The following FAM185A variants were observed in gnomAD, a reference collection of about 807,000 sequenced individuals.
FAM185A encodes the protein family with sequence similarity 185 member A.
In FAM185A, 21 loss-of-function variants were observed where a neutral mutation model predicts 45.7. The ratio of observed to expected loss-of-function variants is 0.46; its 90% CI spans 0.33 to 0.66. The LOEUF is 0.66. FAM185A is among the 30% of genes least tolerant of loss of function. The probability of loss-of-function intolerance (pLI) is 0.03; values close to 1 mark genes in which losing one functional copy is unlikely to be tolerated. For synonymous variants in FAM185A, 117 were observed against 194.0 expected (o/e 0.60, Z 3.30); for missense variants, 305 against 485.4 (o/e 0.63, Z 3.49).
At chr7:102,801,811 G>C (rs1215371061) in intron 7 of FAM185A, among the ~76,000 whole-genome samples, 1 of 151,884 alleles carries the variant, frequency 6.6e-6, no homozygotes, top group African/African-American at 2.4e-5. Context: ...TGTAATCCCA[G>C]CTACTCGGGA....
chr7:102,766,702 C>T (rs1022758188), intron 4 of FAM185A, among the ~76,000 whole-genome samples: 2 of 151,850 alleles, frequency 1.3e-5, no homozygotes, highest in African/African-American at 4.8e-5. Context: ...TTATTCCTAG[C>T]CTAGGTCATT....
chr7:102,819,084 G>A, the FAM185A span, among the ~76,000 whole-genome samples: 1 of 151,838 alleles, frequency 6.6e-6, no homozygotes, highest in Non-Finnish European at 1.5e-5. Context: ...TAGCCTTTTC[G>A]CTAACTATAC....
At chr7:102,795,610 C>T (rs375792264) in intron 7 of FAM185A, among the ~76,000 whole-genome samples, 120 of 150,482 alleles carry the variant, frequency 8.0e-4, no homozygotes, top group African/African-American at 2.7e-3. Flanking sequence ...AGATGAGAGT[C>T]GATAAAGATC....
At chr7:102,813,208 T>C, downstream of FAM185A, 1 of 784,544 alleles carries the variant, frequency 1.3e-6, no homozygotes, top group Admixed American at 3.0e-5. Context: ...TATTTGTAGT[T>C]GGAATAAGAA....
At chr7:102,796,938 T>C (rs1476871533) in intron 7 of FAM185A, among the ~76,000 whole-genome samples, 2 of 152,204 alleles carry the variant, frequency 1.3e-5, no homozygotes, top group African/African-American at 2.4e-5. Context: ...AAGAAAAGAT[T>C]TGAGGAAGAA....
At chr7:102,827,034 G>A in the FAM185A span, 1 of 400,974 alleles carries the variant, frequency 2.5e-6, no homozygotes, top group Non-Finnish European at 5.4e-6. Flanking sequence ...GCAAGAAGTA[G>A]AGTCTGTTTC....
chr7:102,826,724 C>CTCATATATAT, the FAM185A span, among the ~76,000 whole-genome samples: 9 of 62,712 alleles, frequency 1.4e-4, 1 homozygote, highest in African/African-American at 4.1e-4. Context: ...GACCCTGTCT[C>CTCATATATAT]ATATATATAT....
chr7:102,781,243 C>A (rs1795387743), intron 6 of FAM185A, among the ~76,000 whole-genome samples: 1 of 152,218 alleles, frequency 6.6e-6, no homozygotes, highest in East Asian at 1.9e-4. Context: ...GGGGGCAGGG[C>A]ACAGCCAAAC....
chr7:102,801,204 A>G (rs1387825854), intron 7 of FAM185A, among the ~76,000 whole-genome samples: 1 of 152,202 alleles, frequency 6.6e-6, no homozygotes, highest in Non-Finnish European at 1.5e-5. Flanking sequence ...CCAAGCCACC[A>G]CTACAAGAAC....
chr7:102,825,199 C>T, the FAM185A span, among the ~76,000 whole-genome samples: 1 of 152,036 alleles, frequency 6.6e-6, no homozygotes, highest in Admixed American at 6.6e-5. Flanking sequence ...AATGTTTGTT[C>T]CCTCCAAAAC....
the FAM185A span, among the ~76,000 whole-genome samples, chr7:102,826,247 G>C: frequency 4.6e-5 from 7 of 152,158 alleles, no homozygotes; most frequent in Admixed American, 3.9e-4. Context: ...TGGACAGCAA[G>C]AAAGGGGCTG....
chr7:102,761,022 C>T (rs1394577184), intron 3 of FAM185A, among the ~76,000 whole-genome samples: 1 of 151,984 alleles, frequency 6.6e-6, no homozygotes, highest in African/African-American at 2.4e-5. Context: ...TTATATAGGA[C>T]ATATAAAACA....
At position 102,749,074 on chromosome 7, in the gene FAM185A, C is replaced by T. The variant is rs750372938; in HGVS notation, c.-134C>T. The T allele has an allele frequency of 2.7e-4, 358 of 1,345,046 alleles. 1 individual carries two copies. The highest frequency in any genetic ancestry group is 1.6e-4 in the Non-Finnish European group (155 of 963,350). The allele number at this position is 1,345,046 out of a possible 1,614,324, so 83.3% of individuals were successfully genotyped here. A position where few individuals can be genotyped will look rare whatever the true frequency, so the allele number is the denominator to read the frequency against. ...GAACGCCTAGTCAAGCCAACCGGCT[C>T]GCTCTTGTTTCAGCAAACCCTGACT... On this transcript the variant is annotated 5_prime_UTR_variant, in exon 1 of 8. Transcript: ENST00000413034.
chr7:102,798,434 G>T (rs945046040), intron 7 of FAM185A, among the ~76,000 whole-genome samples: 15 of 152,170 alleles, frequency 9.9e-5, no homozygotes, highest in Admixed American at 3.3e-4. Flanking sequence ...CCTCCCTTTT[G>T]AGTATTGTCT....
chr7:102,801,763 A>T (rs1796804863), intron 7 of FAM185A, among the ~76,000 whole-genome samples: 1 of 152,074 alleles, frequency 6.6e-6, no homozygotes, highest in Non-Finnish European at 1.5e-5. Flanking sequence ...TGTCTCTACT[A>T]AAAATATAAA....
At chr7:102,812,396 G>T (rs1797481210), downstream of FAM185A, among the ~76,000 whole-genome samples, 2 of 152,170 alleles carry the variant, frequency 1.3e-5, no homozygotes, top group Admixed American at 6.5e-5. Flanking sequence ...TGATTAAAGA[G>T]ATGTCTTTCT....
At chr7:102,835,674 A>T in the FAM185A span, among the ~76,000 whole-genome samples, 1 of 113,678 alleles carries the variant, frequency 8.8e-6, no homozygotes. Context: ...CAGTGGCGCA[A>T]TCTCGGCTCA....
the FAM185A span, chr7:102,822,305 G>A: frequency 7.2e-6 from 8 of 1,105,272 alleles, no homozygotes; most frequent in African/African-American, 1.2e-4. Flanking sequence ...ACCACAGACT[G>A]TGGCTTAAAC....
the FAM185A span, among the ~76,000 whole-genome samples, chr7:102,847,778 C>T: frequency 6.6e-6 from 1 of 152,164 alleles, no homozygotes; most frequent in Non-Finnish European, 1.5e-5. Context: ...ACCCACCCAC[C>T]TCGGCCTCCC....
Sources: allele counts gnomAD v4.1 joint callset (sites outside exome capture counted in the v4.1 genomes callset), GRCh38; gene constraint gnomAD v4.1.1; transcripts MANE v1.5; gene names NCBI Gene and HGNC (gene_info 2026-07-23, HGNC 2026-07-21).